The following CDH8 variants were observed in gnomAD, a reference collection of about 807,000 sequenced individuals.
CDH8 encodes cadherin-8.
Under a neutral mutation model 68.1 loss-of-function variants are expected in CDH8, and 17 were observed. That is an observed-to-expected ratio of 0.25 (90% CI 0.17 to 0.37). CDH8 has a LOEUF of 0.37. Among genes scored for constraint, CDH8 ranks in the 10% least tolerant of loss-of-function variants. The pLI, the probability that CDH8 is intolerant of heterozygous loss-of-function variation, is 1.00. For synonymous variants in CDH8, 372 were observed against 365.1 expected (o/e 1.02, Z -0.21); for missense variants, 763 against 999.3 (o/e 0.76, Z 3.19).
chr16:61,987,585 G>C (rs994819991), intron 2 of CDH8, among the ~76,000 whole-genome samples: 1 of 152,066 alleles, frequency 6.6e-6, no homozygotes, highest in African/African-American at 2.4e-5. Flanking sequence ...CCTCCGTTTG[G>C]TAGGGAAGAA....
intron 11 of CDH8, among the ~76,000 whole-genome samples, chr16:61,654,592 A>C (rs1362970994): frequency 6.6e-6 from 1 of 152,208 alleles, no homozygotes; most frequent in Non-Finnish European, 1.5e-5. Flanking sequence ...TGAATGTCAA[A>C]TTTGCATGGG....
chr16:62,006,984 C>A (rs186110431), intron 2 of CDH8, among the ~76,000 whole-genome samples: 2 of 151,686 alleles, frequency 1.3e-5, no homozygotes, highest in East Asian at 3.9e-4. Flanking sequence ...CTTGGCTCAC[C>A]GCAACCTCCA....
At chr16:61,768,362 C>CCCTG (rs1960671526) in intron 8 of CDH8, among the ~76,000 whole-genome samples, 3 of 111,264 alleles carry the variant, frequency 2.7e-5, no homozygotes, top group East Asian at 5.5e-4. Context: ...CTCTCTCTCT[C>CCCTG]TCTCTCCCTT....
chr16:61,754,382 G>A (rs1469863694), intron 8 of CDH8, among the ~76,000 whole-genome samples: 1 of 152,088 alleles, frequency 6.6e-6, no homozygotes, highest in Non-Finnish European at 1.5e-5. Flanking sequence ...ATCACTAGAT[G>A]AATGAATGAA....
At chr16:61,700,025 T>G (rs1373053033) in intron 10 of CDH8, among the ~76,000 whole-genome samples, 2 of 152,210 alleles carry the variant, frequency 1.3e-5, no homozygotes, top group Non-Finnish European at 2.9e-5. Context: ...CAGAGTTTCT[T>G]AAAGTTTTAT....
At chr16:61,908,111 A>C (rs1964094895) in intron 2 of CDH8, among the ~76,000 whole-genome samples, 1 of 151,642 alleles carries the variant, frequency 6.6e-6, no homozygotes, top group Non-Finnish European at 1.5e-5. Context: ...TATTGATCCC[A>C]ATTTTTCATT....
At chr16:61,800,664 G>A (rs1343769839) in intron 7 of CDH8, among the ~76,000 whole-genome samples, 2 of 152,082 alleles carry the variant, frequency 1.3e-5, no homozygotes, top group Non-Finnish European at 2.9e-5. Context: ...AGCTAGACCC[G>A]TCCCATTCCC....
At chr16:61,817,920 T>C (rs1246947247) in intron 6 of CDH8, 188 bp from the exon 7 acceptor site, 6 of 515,898 alleles carry the variant, frequency 1.2e-5, no homozygotes, top group South Asian at 7.1e-5. Context: ...CTGTTTATTA[T>C]ATAAGCTCAG....
At chr16:61,777,207 T>C (rs1960924359) in intron 8 of CDH8, among the ~76,000 whole-genome samples, 1 of 152,106 alleles carries the variant, frequency 6.6e-6, no homozygotes, top group Non-Finnish European at 1.5e-5. Flanking sequence ...GAGGGGTAAA[T>C]CAACCCAATA....
intron 8 of CDH8, among the ~76,000 whole-genome samples, chr16:61,777,177 C>T (rs1960924091): frequency 6.6e-6 from 1 of 152,052 alleles, no homozygotes; most frequent in Non-Finnish European, 1.5e-5. Context: ...CTTCTCCATC[C>T]CTAAAGAAAA....
At chr16:61,886,341 T>A (rs905890251) in intron 3 of CDH8, among the ~76,000 whole-genome samples, 3 of 152,210 alleles carry the variant, frequency 2.0e-5, no homozygotes, top group Non-Finnish European at 4.4e-5. Context: ...ATATTTGTTA[T>A]CTTTACACAC....
At chr16:61,934,132 A>G (rs1964590341) in intron 2 of CDH8, 1 of 152,158 alleles carries the variant, frequency 6.6e-6, no homozygotes, top group Non-Finnish European at 1.5e-5. Context: ...TGGTTCCCTG[A>G]TTCAGTGGAA....
At position 61,848,409 on chromosome 16, in the gene CDH8, G is replaced by A. The variant is rs375390727; in HGVS notation, c.667+8710C>T. ...TGGTCAACACTGGAAAGCTCCTTGT[G>A]AACTTCAAAAATGGTTTGTCCAAAG... On this transcript the variant is annotated intron_variant, in intron 4 of 11. Coordinates refer to ENST00000577390, the MANE Select transcript of CDH8 (RefSeq NM_001796.5). Among the ~76,000 whole-genome samples, 19 of 152,144 alleles carry A rather than the reference G, an allele frequency of 1.2e-4. No homozygotes were observed. The East Asian group carries it at 3.5e-3, about 28-fold the overall frequency.
chr16:61,772,591 C>T (rs1047078326), intron 8 of CDH8, among the ~76,000 whole-genome samples: 3 of 152,044 alleles, frequency 2.0e-5, no homozygotes, highest in Non-Finnish European at 2.9e-5. Flanking sequence ...TCCTTGTTGT[C>T]AAGGCTTGTG....
intron 9 of CDH8, among the ~76,000 whole-genome samples, chr16:61,714,438 C>T (rs1260483082): frequency 6.6e-6 from 1 of 151,578 alleles, no homozygotes; most frequent in Non-Finnish European, 1.5e-5. Context: ...AACATCACTG[C>T]AACAAACCTC....
chr16:61,693,050 T>C (rs992643220), intron 10 of CDH8: 1 of 145,648 alleles, frequency 6.9e-6, no homozygotes, highest in Non-Finnish European at 1.6e-5. Context: ...ATGTTGAAAG[T>C]GTTAACTGAC....
chr16:61,758,030 G>A (rs959035695), intron 8 of CDH8, among the ~76,000 whole-genome samples: 5 of 152,170 alleles, frequency 3.3e-5, no homozygotes, highest in Non-Finnish European at 5.9e-5. Flanking sequence ...TGGCAGGAAG[G>A]AGATAGATTA....
intron 10 of CDH8, among the ~76,000 whole-genome samples, chr16:61,674,978 A>G (rs1963872415): frequency 6.6e-6 from 1 of 151,866 alleles, no homozygotes; most frequent in Admixed American, 6.6e-5. Flanking sequence ...ATGAGACAAT[A>G]CCAAGTGGTC....
intron 8 of CDH8, among the ~76,000 whole-genome samples, chr16:61,755,355 A>G (rs899179865): frequency 7.2e-5 from 11 of 152,176 alleles, no homozygotes; most frequent in Non-Finnish European, 1.5e-4. Flanking sequence ...TTGTGTATAT[A>G]TAGTATACAT....
Sources: allele counts gnomAD v4.1 joint callset (sites outside exome capture counted in the v4.1 genomes callset), GRCh38; gene constraint gnomAD v4.1.1; transcripts MANE v1.5; gene names NCBI Gene and HGNC (gene_info 2026-07-23, HGNC 2026-07-21).